LARGE1: variants seen among roughly 807,000 people sequenced by gnomAD.
The protein encoded by LARGE1 is LARGE xylosyl- and glucuronyltransferase 1.
Under a neutral mutation model 87.6 loss-of-function variants are expected in LARGE1, and 43 were observed. The observed-to-expected ratio is 0.49, with a 90% CI of 0.38 to 0.63. The LOEUF is 0.63. Among genes scored for constraint, LARGE1 ranks in the 30% least tolerant of loss-of-function variants. The probability of loss-of-function intolerance (pLI) is 0.00; values close to 1 mark genes in which losing one functional copy is unlikely to be tolerated. For missense variants in LARGE1, 802 were observed against 1,000.2 expected, an observed-to-expected ratio of 0.80 and a Z score of 2.67; for synonymous variants, 434 against 394.6, an observed-to-expected ratio of 1.10 and a Z score of -1.18.
At chr22:33,642,916 C>T (rs894909398) in intron 3 of LARGE1, among the ~76,000 whole-genome samples, 20 of 152,138 alleles carry the variant, frequency 1.3e-4, no homozygotes, top group Admixed American at 1.1e-3. Context: ...TAGATATCTA[C>T]AAAGAGACTT....
chr22:33,814,757 C>T (rs182773579), intron 1 of LARGE1, among the ~76,000 whole-genome samples: 1 of 151,348 alleles, frequency 6.6e-6, no homozygotes, highest in African/African-American at 2.4e-5. Context: ...TGTGTTTATA[C>T]AACTACACCA....
intron 6 of LARGE1, among the ~76,000 whole-genome samples, chr22:33,471,162 G>A (rs1052892740): frequency 6.6e-6 from 1 of 151,734 alleles, no homozygotes; most frequent in Non-Finnish European, 1.5e-5. Context: ...CAAGTAGCTG[G>A]GGTTAAGGGC....
intron 6 of LARGE1, among the ~76,000 whole-genome samples, chr22:33,498,362 C>T (rs1175477214): frequency 6.6e-6 from 1 of 152,140 alleles, no homozygotes; most frequent in Non-Finnish European, 1.5e-5. Context: ...TTAAAATAAT[C>T]TCTACAACTT....
At chr22:33,837,685 T>G (rs2063149734) in intron 1 of LARGE1, among the ~76,000 whole-genome samples, 1 of 152,216 alleles carries the variant, frequency 6.6e-6, no homozygotes, top group Admixed American at 6.5e-5. Context: ...GTGAGTGTGT[T>G]CGTATCAAAC....
At chr22:33,742,165 C>T (rs1011205305) in intron 2 of LARGE1, among the ~76,000 whole-genome samples, 1 of 152,142 alleles carries the variant, frequency 6.6e-6, no homozygotes, top group Non-Finnish European at 1.5e-5. Context: ...AACTCTACTT[C>T]CCAGGGGAGT....
chr22:33,816,685 T>TAGAC (rs1298253969), intron 1 of LARGE1, among the ~76,000 whole-genome samples: 22 of 133,388 alleles, frequency 1.6e-4, no homozygotes, highest in East Asian at 9.1e-4. Context: ...GATAGATAGA[T>TAGAC]AGATAGACAG....
At chr22:33,871,639 T>C (rs1319215770) in intron 1 of LARGE1, among the ~76,000 whole-genome samples, 1 of 152,106 alleles carries the variant, frequency 6.6e-6, no homozygotes, top group East Asian at 1.9e-4. Context: ...ACACCACTAC[T>C]ACCAACCTCC....
At position 33,804,117 on chromosome 22, in the gene LARGE1, A is replaced by G. The variant is rs572980036; in HGVS notation, c.-82-42559T>C. On this transcript the variant is annotated intron_variant, in intron 1 of 14. Transcript: ENST00000397394. ...CTCCTCCCTATACAGAAGAGAACAT[A>G]GCAATCCTGACTGCCATCCTTAGAA... is the stretch of plus-strand genomic sequence containing the variant. Among the ~76,000 whole-genome samples the G allele has an allele frequency of 3.3e-5, 5 of 152,324 alleles. No individual in the cohort carries two copies. The East Asian group carries it at 7.7e-4, about 24-fold the overall frequency.
At chr22:33,919,546 T>C (rs1044748580) in intron 1 of LARGE1, among the ~76,000 whole-genome samples, 3 of 152,320 alleles carry the variant, frequency 2.0e-5, no homozygotes, top group East Asian at 1.9e-4. Context: ...CGCCCCCAAA[T>C]TGCGCAGGAC....
intron 6 of LARGE1, among the ~76,000 whole-genome samples, chr22:33,445,072 C>T (rs192386372): frequency 3.7e-4 from 56 of 152,228 alleles, no homozygotes; most frequent in African/African-American, 1.3e-3. Context: ...TCAGGTGATC[C>T]GCCCGCCACG....
the LARGE1 span, chr22:33,106,025 G>C: frequency 1.3e-5 from 2 of 152,284 alleles, no homozygotes; most frequent in Admixed American, 6.5e-5. Flanking sequence ...TAAGCCAGAT[G>C]ATGTCTGAGT....
At chr22:33,180,218 G>A (rs1393786659) in intron 11 of LARGE1, among the ~76,000 whole-genome samples, 1 of 152,064 alleles carries the variant, frequency 6.6e-6, no homozygotes, top group Non-Finnish European at 1.5e-5. Flanking sequence ...AATGGACTAA[G>A]ACACTCCCCT....
At chr22:33,351,333 G>A in intron 9 of LARGE1, among the ~76,000 whole-genome samples, 1 of 152,244 alleles carries the variant, frequency 6.6e-6, no homozygotes, top group East Asian at 1.9e-4. Context: ...CAGAAGGCAT[G>A]ATATGGTGGC....
intron 6 of LARGE1, among the ~76,000 whole-genome samples, chr22:33,562,069 C>T (rs750672534): frequency 5.3e-5 from 8 of 152,190 alleles, no homozygotes; most frequent in East Asian, 1.9e-4. Context: ...AGGATGTCAA[C>T]GACAATTGCC....
rs1269425024 is a variant in LARGE1, at chr22:33,920,450, G to C, written c.-538C>G. 6.8e-6 allele frequency: 1 copy of C among 148,082 alleles called. No individual in the cohort carries two copies. Among genetic ancestry groups the C allele is most frequent in the African/African-American group, 2.4e-5 (1 of 40,922 alleles). 9.2% of individuals were successfully genotyped at this position (148,082 alleles called of 1,614,324 possible). A position where few individuals can be genotyped will look rare whatever the true frequency, so the allele number is the denominator to read the frequency against. ...CCCCAGCTTCGGGCGCCCGGGCTCC[G>C]GCGCGGCGGCGGGGCAGGAGCAGAC... On this transcript the variant is annotated 5_prime_UTR_variant, in exon 1 of 15. Transcript: ENST00000397394.
chr22:33,244,550 A>G (rs1926668673), intron 11 of LARGE1, among the ~76,000 whole-genome samples: 1 of 152,218 alleles, frequency 6.6e-6, no homozygotes, highest in Non-Finnish European at 1.5e-5. Context: ...AGTCCCTGGA[A>G]GAAGCACTTT....
At chr22:33,099,834 G>A in the LARGE1 span, among the ~76,000 whole-genome samples, 1 of 152,318 alleles carries the variant, frequency 6.6e-6, no homozygotes, top group South Asian at 2.1e-4. Context: ...TCAGTGATGT[G>A]ATTCCATGCT....
intron 6 of LARGE1, among the ~76,000 whole-genome samples, chr22:33,438,064 TCTG>T: frequency 6.6e-6 from 1 of 152,062 alleles, no homozygotes; most frequent in East Asian, 1.9e-4. Context: ...AGAAGTCCCC[TCTG>T]CTACCAGGTG....
At chr22:33,444,845 G>A (rs774603685) in intron 6 of LARGE1, among the ~76,000 whole-genome samples, 5 of 151,334 alleles carry the variant, frequency 3.3e-5, no homozygotes, top group Non-Finnish European at 7.4e-5. Flanking sequence ...TTTTTGAGAC[G>A]GTGAGACGTT....
Sources: gnomAD v4.1 joint callset for allele counts (sites outside exome capture counted in the v4.1 genomes callset) on GRCh38, gnomAD v4.1.1 for gene constraint, MANE v1.5 for transcripts, NCBI Gene and HGNC (gene_info 2026-07-23, HGNC 2026-07-21) for gene names.